Variants in ALB observed in about 807,000 individuals in gnomAD.
ALB encodes the protein serum albumin.
A neutral mutation model predicts 74.5 loss-of-function variants in ALB; 37 were observed. The ratio of observed to expected loss-of-function variants is 0.50; its 90% CI spans 0.38 to 0.65. ALB has a LOEUF of 0.65. Among genes scored for constraint, ALB ranks in the 30% least tolerant of loss-of-function variants. The probability of loss-of-function intolerance (pLI) is 0.00; values close to 1 mark genes in which losing one functional copy is unlikely to be tolerated. For missense variants in ALB, 685 were observed against 718.7 expected, an observed-to-expected ratio of 0.95 and a Z score of 0.54; for synonymous variants, 249 against 251.6, an observed-to-expected ratio of 0.99 and a Z score of 0.10.
In ALB at chr4:73,408,596, T is replaced by C; in HGVS notation, c.273T>C (p.His91=). ...ESAENCDKSL[H]TLFGDKLCTV... is the part of the protein sequence containing the mutation. Reference sequence around the variant, plus strand: ...GAAACCTGCTTTCTTCCATTTAGCATACCCTTTTTGGAGACAAATTATGCA... The same window carrying C: ...GAAACCTGCTTTCTTCCATTTAGCACACCCTTTTTGGAGACAAATTATGCA... The change falls in exon 4 of 15, where the codon CAT becomes CAC. Residue 91 remains histidine, a splice_region_variant and synonymous_variant. Coordinates refer to ENST00000295897, the MANE Select transcript of ALB (RefSeq NM_000477.7). 1 of 1,613,906 alleles carries C rather than the reference T, an allele frequency of 6.2e-7. No homozygotes were observed. The highest frequency in any genetic ancestry group is 2.2e-5 in the East Asian group (1 of 44,862).
At chr4:73,418,381 CT>C (rs1719070950) in intron 12 of ALB, 70 bp downstream of exon 12, 1 of 1,386,924 alleles carries the variant, frequency 7.2e-7, no homozygotes, top group South Asian at 1.2e-5. Context: ...AAGCTAGCAA[CT>C]TTTTCCTGAA....
chr4:73,404,513 A>G, intron 1 of ALB, 107 bp downstream of exon 1: 2 of 936,326 alleles, frequency 2.1e-6, no homozygotes, highest in Non-Finnish European at 3.4e-6. Flanking sequence ...ATTTATTTCT[A>G]AAATGGCATA....
intron 3 of ALB, among the ~76,000 whole-genome samples, chr4:73,407,539 C>T (rs2149327218): frequency 6.6e-6 from 1 of 152,260 alleles, no homozygotes; most frequent in East Asian, 1.9e-4. Context: ...TGGTTTTCTA[C>T]ATCTTGACTA....
At chr4:73,415,448 T>G (rs1718991142) in intron 9 of ALB, 2 of 363,466 alleles carry the variant, frequency 5.5e-6, no homozygotes, top group Non-Finnish European at 1.0e-5. Context: ...AAAATTAAAT[T>G]TAAATGTTAA....
rs1211875203 is a variant in ALB at position 73,420,293 on chromosome 4, T to C, written c.1825T>C (p.Leu609=). ...LVAASQAALG[L] is the part of the protein sequence containing the mutation. Reference sequence around the variant, plus strand: ...TGCTGCAAGTCAAGCTGCCTTAGGCTTATAACATCACATTTAAAAGCATCT... The same window carrying C: ...TGCTGCAAGTCAAGCTGCCTTAGGCCTATAACATCACATTTAAAAGCATCT... Residue 609 remains leucine, a synonymous_variant, in exon 14 of 15, where the codon TTA becomes CTA. Transcript: ENST00000295897. 3.1e-6 allele frequency: 5 copies of C among 1,611,384 alleles called. No homozygotes were observed. Among genetic ancestry groups the C allele is most frequent in the Non-Finnish European group, 4.2e-6 (5 of 1,178,060 alleles).
In ALB at chr4:73,417,582, T is replaced by G. The variant is rs774582967; in HGVS notation, c.1341T>G (p.Leu447=). 1.2e-6 allele frequency: 2 copies of G among 1,613,884 alleles called. No homozygotes were observed. The highest frequency in any genetic ancestry group is 3.3e-5 in the Admixed American group (2 of 59,986). Residue 447 remains leucine (L), a synonymous_variant, in exon 11 of 15, where the codon CTT becomes CTG. Transcript: ENST00000295897. The stretch of plus-strand genomic sequence containing the variant: ...TACCCCAAGTGTCAACTCCAACTCT[T>G]GTAGAGGTCTCAAGAAACCTAGGAA... ...KKVPQVSTPT[L]VEVSRNLGKV... is the part of the protein sequence containing the mutation.
Position 73,413,546 on chromosome 4 carries a change from G to C in ALB, c.970G>C (p.Ala324Pro), listed in dbSNP as rs201904433. 6.2e-6 allele frequency: 10 copies of C among 1,614,198 alleles called. No homozygotes were observed. The East Asian group carries it at 1.1e-4, about 18-fold the overall frequency. ...CGAAGTGGAAAATGATGAGATGCCT[G>C]CTGACTTGCCTTCATTAGCTGCTGA... Reference protein sequence around the residue: ...IAEVENDEMPADLPSLAADFV... With the variant: ...IAEVENDEMPPDLPSLAADFV... Residue 324 changes from alanine to proline, a missense_variant, in exon 8 of 15, where the codon GCT (alanine) becomes CCT (proline). Coordinates refer to ENST00000295897, the MANE Select transcript of ALB (RefSeq NM_000477.7).
chr4:73,410,648 T>TA (rs1165735645), intron 6 of ALB, among the ~76,000 whole-genome samples: 2 of 152,120 alleles, frequency 1.3e-5, no homozygotes, highest in East Asian at 1.9e-4. Context: ...CTTTTTGTCC[T>TA]AAAAAAAGGG....
Position 73,404,361 on chromosome 4 carries a change from C to T in ALB, c.34C>T (p.Leu12Phe), listed in dbSNP as rs867997963. Residue 12 changes from leucine (L) to phenylalanine (F), a missense_variant, in exon 1 of 15, where the codon CTC (leucine) becomes TTC (phenylalanine). Physicochemically the swap from Leu to Phe is conservative, Grantham distance 22 (BLOSUM62 0). Transcript: ENST00000295897. ...GGTAACCTTTATTTCCCTTCTTTTT[C>T]TCTTTAGCTCGGCTTATTCCAGGGG... ...KWVTFISLLF[L>F]FSSAYSRGVF... 2 of 1,613,774 alleles carry T rather than the reference C, an allele frequency of 1.2e-6. No homozygotes were observed. Among genetic ancestry groups the T allele is most frequent in the Middle Eastern group, 1.7e-4 (1 of 6,060 alleles).
rs140490350 is a variant in ALB at position 73,411,412 on chromosome 4, T to C, written c.714-584T>C. Among the ~76,000 whole-genome samples the C allele has an allele frequency of 4.7e-4, 71 of 152,314 alleles. No homozygotes were observed. The East Asian group carries it at 9.8e-3, about 21-fold the overall frequency. ...TGAAGATAGTGCTGGATCTTTCTTT[T>C]TATAAGTAAGATCAATAAAAACTCC... On this transcript the variant is annotated intron_variant, in intron 6 of 14. Transcript: ENST00000295897.
intron 5 of ALB, among the ~76,000 whole-genome samples, chr4:73,410,103 C>G (rs1718834257): frequency 1.3e-5 from 2 of 152,062 alleles, no homozygotes; most frequent in Admixed American, 1.3e-4. Context: ...TTTCTAACTA[C>G]ATAGGGAATT....
At chr4:73,405,928 GT>G (rs1219425780) in intron 2 of ALB, among the ~76,000 whole-genome samples, 2 of 149,644 alleles carry the variant, frequency 1.3e-5, no homozygotes, top group Non-Finnish European at 3.0e-5. Context: ...TGAGAAAATT[GT>G]TTTTTTAAAA....
At chr4:73,419,356 C>G in intron 12 of ALB, 151 bp from the exon 13 acceptor site, 1 of 750,022 alleles carries the variant, frequency 1.3e-6, no homozygotes, top group South Asian at 1.9e-5. Context: ...AGACTTATAG[C>G]GGTATGCCTG....
chr4:73,416,123 G>A (rs946014384), intron 9 of ALB, 133 bp from the exon 10 acceptor site: 3 of 686,354 alleles, frequency 4.4e-6, no homozygotes, highest in East Asian at 2.8e-5. Context: ...TGACAGAGCG[G>A]CATTGATATT....
In ALB at chr4:73,417,679, TA is replaced by T. The variant is rs1308144534; in HGVS notation, c.1428+17del. The T allele has an allele frequency of 6.4e-7, 1 of 1,562,374 alleles. No homozygotes were observed. The highest frequency in any genetic ancestry group is 1.2e-5 in the South Asian group (1 of 81,082). ...CTGTGCAGAAGACTATGTGAGTCTT[TA>T]AAAAAATATAATAAATTAATAATGA... On this transcript the variant is annotated intron_variant, in intron 11 of 14. Coordinates refer to ENST00000295897, the MANE Select transcript of ALB (RefSeq NM_000477.7).
intron 8 of ALB, 56 bp downstream of exon 8, chr4:73,413,690 A>G (rs1302921975): frequency 2.0e-6 from 3 of 1,527,092 alleles, no homozygotes; most frequent in Non-Finnish European, 2.7e-6. Context: ...ACAACTTAGG[A>G]GGATAGCCTA....
chr4:73,405,187 T>C lies in ALB; in HGVS notation c.137+14T>C, dbSNP rs1718688590. On this transcript the variant is annotated intron_variant, in intron 2 of 14. Coordinates refer to ENST00000295897, the MANE Select transcript of ALB (RefSeq NM_000477.7). ...TTTCAAAGCCTTGTAAGTTAAAATATTGATGAATCAAATTTAATGTTTCTA... is the reference window on the plus strand; with the variant it reads ...TTTCAAAGCCTTGTAAGTTAAAATACTGATGAATCAAATTTAATGTTTCTA... The C allele has an allele frequency of 6.3e-7, 1 of 1,585,458 alleles. No individual in the cohort carries two copies. The highest frequency in any genetic ancestry group is 8.7e-7 in the Non-Finnish European group (1 of 1,154,074).
At chr4:73,409,147 G>GCA (rs55764359) in intron 4 of ALB, 41,154 of 549,702 alleles carry the variant, frequency 0.075, 594 homozygotes, top group African/African-American at 0.12. Context: ...AACCATTTAT[G>GCA]CACACACACA....
intron 4 of ALB, 188 bp downstream of exon 4, chr4:73,408,993 G>A: frequency 1.6e-6 from 1 of 611,358 alleles, no homozygotes; most frequent in Non-Finnish European, 2.8e-6. Flanking sequence ...TATGATCAAA[G>A]ATATTTTGAA....
Sources: allele counts gnomAD v4.1 joint callset (sites outside exome capture counted in the v4.1 genomes callset), GRCh38; gene constraint gnomAD v4.1.1; transcripts MANE v1.5; gene names NCBI Gene and HGNC (gene_info 2026-07-23, HGNC 2026-07-21).